The following COL26A1 variants were observed in gnomAD, a reference collection of about 807,000 sequenced individuals.
The protein encoded by COL26A1 is collagen alpha-1(XXVI) chain.
A neutral mutation model predicts 59.3 loss-of-function variants in COL26A1; 41 were observed. The observed-to-expected ratio is 0.69, with a 90% CI of 0.54 to 0.90. The LOEUF is 0.90. Among genes scored for constraint, COL26A1 ranks in the 40% least tolerant of loss-of-function variants. The pLI is 0.00. For missense variants in COL26A1, 612 were observed against 602.3 expected, an observed-to-expected ratio of 1.02 and a Z score of -0.17; for synonymous variants, 266 against 256.0, an observed-to-expected ratio of 1.04 and a Z score of -0.37.
At chr7:101,407,549 C>T (rs757250092) in intron 1 of COL26A1, among the ~76,000 whole-genome samples, 7 of 151,690 alleles carry the variant, frequency 4.6e-5, no homozygotes, top group South Asian at 2.1e-4. Flanking sequence ...TATCTCCTCC[C>T]GGGGCTCTGG....
Position 101,385,365 on chromosome 7 carries a change from G to GTA in COL26A1, c.158+22176_158+22177insAT, listed in dbSNP as rs1348015379. Among the ~76,000 whole-genome samples the GTA allele has an allele frequency of 8.4e-4, 103 of 123,006 alleles. 5 individuals are homozygous for GTA. Among genetic ancestry groups the GTA allele is most frequent in the Non-Finnish European group, 2.8e-4 (15 of 54,162 alleles). The allele number at this position is 123,006 out of a possible 152,430, so 80.7% of individuals were successfully genotyped here. ...TATATATATATGTGTATATATATGT[G>GTA]TGTATATATATATATATATATTTGT... is the stretch of plus-strand genomic sequence containing the variant. On this transcript the variant is annotated intron_variant, in intron 1 of 12. Transcript: ENST00000313669.
At chr7:101,413,832 C>G (rs1399451010) in intron 1 of COL26A1, among the ~76,000 whole-genome samples, 1 of 152,150 alleles carries the variant, frequency 6.6e-6, no homozygotes, top group Non-Finnish European at 1.5e-5. Context: ...CTGGGTCAGT[C>G]CTTCCAGGAG....
chr7:101,431,769 G>A (rs1182569590), intron 2 of COL26A1, among the ~76,000 whole-genome samples: 1 of 151,664 alleles, frequency 6.6e-6, no homozygotes, highest in African/African-American at 2.4e-5. Flanking sequence ...TTGCAATCCT[G>A]GAATAAACTC....
chr7:101,455,739 G>T (rs1793455510), intron 3 of COL26A1, among the ~76,000 whole-genome samples: 2 of 151,766 alleles, frequency 1.3e-5, no homozygotes, highest in South Asian at 4.2e-4. Context: ...CTGTAGTGCA[G>T]TGGCGTGATC....
intron 3 of COL26A1, among the ~76,000 whole-genome samples, chr7:101,448,162 A>G (rs995377234): frequency 7.9e-5 from 12 of 152,342 alleles, no homozygotes; most frequent in Middle Eastern, 3.4e-3. Flanking sequence ...GCAAATGCGG[A>G]TGAGGTCCCA....
chr7:101,515,350 G>A (rs1339624026), intron 3 of COL26A1, among the ~76,000 whole-genome samples: 4 of 151,952 alleles, frequency 2.6e-5, no homozygotes, highest in South Asian at 2.1e-4. Flanking sequence ...GCAGTGGCGC[G>A]ATCGGCTCGC....
At chr7:101,556,932 G>C (rs1400140134) in intron 12 of COL26A1, among the ~76,000 whole-genome samples, 1 of 151,126 alleles carries the variant, frequency 6.6e-6, no homozygotes, top group African/African-American at 2.4e-5. Context: ...TGGATGGATA[G>C]ATGCATAGAT....
intron 10 of COL26A1, among the ~76,000 whole-genome samples, chr7:101,551,533 A>G (rs1795862017): frequency 6.6e-6 from 1 of 152,080 alleles, no homozygotes; most frequent in South Asian, 2.1e-4. Context: ...CTTGGAAACA[A>G]GAACTTATGA....
At chr7:101,426,970 T>G (rs1461551663) in intron 2 of COL26A1, among the ~76,000 whole-genome samples, 1 of 152,226 alleles carries the variant, frequency 6.6e-6, no homozygotes, top group African/African-American at 2.4e-5. Context: ...TCCTGCCTGC[T>G]CAGTGTGTCT....
intron 1 of COL26A1, among the ~76,000 whole-genome samples, chr7:101,383,899 A>G (rs1438549648): frequency 1.3e-5 from 2 of 151,872 alleles, no homozygotes; most frequent in Non-Finnish European, 2.9e-5. Context: ...CAAACTCTTG[A>G]CCTCAGCTGA....
At chr7:101,456,021 A>T (rs1314109374) in intron 3 of COL26A1, among the ~76,000 whole-genome samples, 1 of 152,076 alleles carries the variant, frequency 6.6e-6, no homozygotes, top group Non-Finnish European at 1.5e-5. Flanking sequence ...TATCATGAAC[A>T]TCTGTCTTTG....
intron 3 of COL26A1, among the ~76,000 whole-genome samples, chr7:101,454,541 G>C (rs34161067): frequency 0.27 from 41,355 of 151,880 alleles, 6,061 homozygotes; most frequent in Middle Eastern, 0.34. Flanking sequence ...TTACAGGGGT[G>C]AGCCACCGCA....
chr7:101,519,373 T>G lies in COL26A1; in HGVS notation c.386-13709T>G, dbSNP rs577190154. ...TGGCCCAGGCTGGAGTGCAGTAGTG[T>G]CATCATAGCTCACTGCTGCCTCCAA... On this transcript the variant is annotated intron_variant, in intron 3 of 12. Coordinates refer to ENST00000313669, the MANE Select transcript of COL26A1 (RefSeq NM_001278563.3). Among the ~76,000 whole-genome samples the G allele has an allele frequency of 3.0e-4, 46 of 152,276 alleles. 1 individual carries two copies. In the South Asian group the frequency reaches 9.1e-3, roughly 30 times the overall value.
chr7:101,362,897 G>A lies in COL26A1; in HGVS notation c.-136G>A, dbSNP rs1050465102. 11 of 870,776 alleles carry A rather than the reference G, an allele frequency of 1.3e-5. No individual in the cohort carries two copies. The highest frequency in any genetic ancestry group is 1.8e-5 in the Non-Finnish European group (11 of 606,984). The allele number at this position is 870,776 out of a possible 1,614,324, so 53.9% of individuals were successfully genotyped here. A position where few individuals can be genotyped will look rare whatever the true frequency, so the allele number is the denominator to read the frequency against. On this transcript the variant is annotated 5_prime_UTR_variant, in exon 1 of 13. Coordinates refer to ENST00000313669, the MANE Select transcript of COL26A1 (RefSeq NM_001278563.3). ...GGCGCCCCCCACACATTTCCAGCTC[G>A]CACCCGGGCTCCGACCGCTCGCCCC...
rs577178562 is a variant in COL26A1 at position 101,393,417 on chromosome 7, C to A, written c.159-26560C>A. ...ATCCAGCACGGGAGAAAGATGTGGG[C>A]TGGGAGGCTAGGCCAGTCTAGCCTT... On this transcript the variant is annotated intron_variant, in intron 1 of 12. Coordinates refer to ENST00000313669, the MANE Select transcript of COL26A1 (RefSeq NM_001278563.3). Among the ~76,000 whole-genome samples the A allele has an allele frequency of 3.3e-5, 5 of 152,228 alleles. No individual in the cohort carries two copies. The South Asian group carries it at 1.0e-3, about 32-fold the overall frequency.
chr7:101,398,503 C>T (rs754462491), intron 1 of COL26A1, among the ~76,000 whole-genome samples: 5 of 152,168 alleles, frequency 3.3e-5, no homozygotes, highest in Non-Finnish European at 7.3e-5. Flanking sequence ...CCTGACTTTC[C>T]CTCGCCCCAA....
chr7:101,486,623 C>A (rs184164070), intron 3 of COL26A1, among the ~76,000 whole-genome samples: 1 of 152,232 alleles, frequency 6.6e-6, no homozygotes, highest in Admixed American at 6.5e-5. Context: ...GCATACAAAT[C>A]GACATTAGTG....
At chr7:101,457,294 TTATC>T (rs942519657) in intron 3 of COL26A1, among the ~76,000 whole-genome samples, 11 of 152,108 alleles carry the variant, frequency 7.2e-5, no homozygotes, top group African/African-American at 2.7e-4. Flanking sequence ...TCTACCATAG[TTATC>T]TATAGGAGCA....
chr7:101,538,379 CTG>C (rs1049817032), intron 4 of COL26A1, among the ~76,000 whole-genome samples: 4 of 152,254 alleles, frequency 2.6e-5, no homozygotes, highest in Admixed American at 6.5e-5. Context: ...GGAGGATAAA[CTG>C]TGGTTTGGTG....
Sources: allele counts gnomAD v4.1 joint callset (sites outside exome capture counted in the v4.1 genomes callset), GRCh38; gene constraint gnomAD v4.1.1; transcripts MANE v1.5; gene names NCBI Gene and HGNC (gene_info 2026-07-23, HGNC 2026-07-21).